The following SLC24A2 variants were observed in gnomAD, a reference collection of about 807,000 sequenced individuals.
The protein encoded by SLC24A2 is sodium/potassium/calcium exchanger 2.
Under a neutral mutation model 62.0 loss-of-function variants are expected in SLC24A2, and 36 were observed. The observed-to-expected ratio is 0.58, with a 90% CI of 0.44 to 0.77. SLC24A2 has a LOEUF of 0.77. SLC24A2 is among the 30% of genes least tolerant of loss of function. The pLI is 0.00. For synonymous variants in SLC24A2, 358 were observed against 294.0 expected, an observed-to-expected ratio of 1.22 and a Z score of -2.23; for missense variants, 846 against 817.9, an observed-to-expected ratio of 1.03 and a Z score of -0.42.
intron 2 of SLC24A2, among the ~76,000 whole-genome samples, chr9:19,735,309 A>C (rs1821473215): frequency 6.6e-6 from 1 of 152,170 alleles, no homozygotes; most frequent in Admixed American, 6.5e-5. Flanking sequence ...ACAACGAGAT[A>C]CCATCTCACA....
At chr9:19,922,585 C>T in the SLC24A2 span, among the ~76,000 whole-genome samples, 1 of 152,220 alleles carries the variant, frequency 6.6e-6, no homozygotes, top group Non-Finnish European at 1.5e-5. Flanking sequence ...GCACATTGAA[C>T]TGTCTCTACT....
chr9:19,802,624 C>A, the SLC24A2 span, among the ~76,000 whole-genome samples: 1 of 152,078 alleles, frequency 6.6e-6, no homozygotes. Flanking sequence ...GAGACACAAT[C>A]ATTTATTAAA....
the SLC24A2 span, among the ~76,000 whole-genome samples, chr9:19,822,531 A>G: frequency 6.6e-6 from 1 of 152,076 alleles, no homozygotes; most frequent in Non-Finnish European, 1.5e-5. Context: ...ATGTGAATCT[A>G]AAGGTTTATC....
chr9:19,666,154 C>T (rs1006021282), intron 2 of SLC24A2, among the ~76,000 whole-genome samples: 18 of 151,934 alleles, frequency 1.2e-4, no homozygotes, highest in African/African-American at 4.4e-4. Flanking sequence ...ATCTGTAATC[C>T]CAGCACTTTG....
chr9:20,255,613 G>T, the SLC24A2 span, among the ~76,000 whole-genome samples: 349 of 151,292 alleles, frequency 2.3e-3, 2 homozygotes, highest in African/African-American at 7.6e-3. Flanking sequence ...CTTTCCACAC[G>T]AGTCTATCTA....
chr9:19,770,199 G>C (rs961771859), intron 2 of SLC24A2, among the ~76,000 whole-genome samples: 2 of 151,858 alleles, frequency 1.3e-5, no homozygotes, highest in Non-Finnish European at 2.9e-5. Flanking sequence ...GTATGACTAA[G>C]TGCCTGGAAT....
the SLC24A2 span, among the ~76,000 whole-genome samples, chr9:20,127,158 C>T: frequency 6.6e-6 from 1 of 151,996 alleles, no homozygotes; most frequent in Admixed American, 6.6e-5. Flanking sequence ...CACATTTTCC[C>T]AATGCTCTGG....
At position 19,535,358 on chromosome 9, in the gene SLC24A2, G is replaced by T. The variant is rs200361836; in HGVS notation, c.1480-7220C>A. ...CTGTGCAGAAGCTCTTTAGTTTAAT[G>T]AGATCCCAGTTGCCAATTTTGGCTT... is the stretch of plus-strand genomic sequence containing the variant. On this transcript the variant is annotated intron_variant, in intron 8 of 10. Coordinates refer to ENST00000341998, the MANE Select transcript of SLC24A2 (RefSeq NM_020344.4). Among the ~76,000 whole-genome samples, 14 of 152,156 alleles carry T rather than the reference G, an allele frequency of 9.2e-5. 1 individual carries two copies. Among genetic ancestry groups the T allele is most frequent in the African/African-American group, 3.4e-4 (14 of 41,512 alleles).
chr9:19,836,400 C>T, the SLC24A2 span, among the ~76,000 whole-genome samples: 1 of 152,136 alleles, frequency 6.6e-6, no homozygotes, highest in Non-Finnish European at 1.5e-5. Flanking sequence ...GGGGATACCA[C>T]CACCGATCCC....
chr9:19,955,935 T>C, the SLC24A2 span, among the ~76,000 whole-genome samples: 2 of 152,204 alleles, frequency 1.3e-5, no homozygotes, highest in Non-Finnish European at 2.9e-5. Context: ...GGAATTAAAT[T>C]AATCTCACTG....
the SLC24A2 span, among the ~76,000 whole-genome samples, chr9:19,849,441 TCTC>T: frequency 2.6e-5 from 4 of 152,276 alleles, no homozygotes; most frequent in South Asian, 6.2e-4. Flanking sequence ...ATGATGAGCT[TCTC>T]CTGAAAATAG....
rs34321235 is a variant in SLC24A2, at chr9:19,706,379, C to CTTTTTT, written c.930+79552_930+79557dup. Among the ~76,000 whole-genome samples, 5 of 131,934 alleles carry CTTTTTT rather than the reference C, an allele frequency of 3.8e-5. 1 individual carries two copies. The highest frequency in any genetic ancestry group is 3.2e-5 in the Non-Finnish European group (2 of 61,998). 86.6% of individuals were successfully genotyped at this position (131,934 alleles called of 152,430 possible). On this transcript the variant is annotated intron_variant, in intron 2 of 10. Transcript: ENST00000341998. ...CACAGCACACTGATGGGTCTTGAAT[C>CTTTTTT]TTTTTTTTTTTTTTTTTTGAGACGG...
the SLC24A2 span, among the ~76,000 whole-genome samples, chr9:20,080,637 T>G: frequency 6.6e-6 from 1 of 152,128 alleles, no homozygotes; most frequent in Non-Finnish European, 1.5e-5. Context: ...GGGATCTCAT[T>G]AAACAAAAGA....
At chr9:19,751,524 C>A (rs531724881) in intron 2 of SLC24A2, among the ~76,000 whole-genome samples, 1 of 152,282 alleles carries the variant, frequency 6.6e-6, no homozygotes, top group Admixed American at 6.5e-5. Flanking sequence ...TTTTACTGTG[C>A]AGCCAGCCTT....
upstream of SLC24A2, among the ~76,000 whole-genome samples, chr9:19,790,250 T>C (rs1823297885): frequency 6.6e-6 from 1 of 152,192 alleles, no homozygotes; most frequent in East Asian, 1.9e-4. Context: ...TAACTTTTAA[T>C]TTAGAAAATT....
chr9:20,301,236 A>G, the SLC24A2 span, among the ~76,000 whole-genome samples: 1 of 152,214 alleles, frequency 6.6e-6, no homozygotes. Context: ...CTTCCAAGCA[A>G]GTAAACATGC....
At chr9:19,613,394 T>C (rs189723243) in intron 4 of SLC24A2, among the ~76,000 whole-genome samples, 8 of 152,350 alleles carry the variant, frequency 5.3e-5, no homozygotes, top group African/African-American at 1.9e-4. Context: ...CCACGCATTT[T>C]ACAATTTTCA....
the SLC24A2 span, among the ~76,000 whole-genome samples, chr9:20,210,534 C>T: frequency 3.3e-5 from 5 of 150,168 alleles, no homozygotes; most frequent in African/African-American, 1.2e-4. Flanking sequence ...AGTGTAGTGG[C>T]GCGATCTCGG....
At chr9:20,024,799 G>C in the SLC24A2 span, among the ~76,000 whole-genome samples, 1 of 152,160 alleles carries the variant, frequency 6.6e-6, no homozygotes, top group East Asian at 1.9e-4. Flanking sequence ...AAGAGGACTA[G>C]TCCCAAAGCA....
Sources: gnomAD v4.1 joint callset for allele counts (sites outside exome capture counted in the v4.1 genomes callset) on GRCh38, gnomAD v4.1.1 for gene constraint, MANE v1.5 for transcripts, NCBI Gene and HGNC (gene_info 2026-07-23, HGNC 2026-07-21) for gene names.